The following LINGO2 variants were observed in gnomAD, a reference collection of about 807,000 sequenced individuals.
The protein encoded by LINGO2 is leucine rich repeat and Ig domain containing 2.
LINGO2 carries 14 observed loss-of-function variants against 30.6 expected under a neutral mutation model. The observed-to-expected ratio is 0.46, with a 90% CI of 0.30 to 0.72. LINGO2 has a LOEUF of 0.72. Ranked by LOEUF, LINGO2 falls within the 30% of genes least tolerant of loss-of-function variation. LINGO2 has a pLI of 0.07. For missense variants in LINGO2, 729 were observed against 751.7 expected (o/e 0.97, Z 0.35); for synonymous variants, 317 against 288.5 (o/e 1.10, Z -1.00).
At chr9:28,768,996 T>A in the LINGO2 span, among the ~76,000 whole-genome samples, 1 of 152,226 alleles carries the variant, frequency 6.6e-6, no homozygotes, top group South Asian at 2.1e-4. Context: ...TGTAAAATTT[T>A]TCATGGGTTT....
chr9:28,585,052 G>A (rs1824459909), intron 1 of LINGO2, among the ~76,000 whole-genome samples: 1 of 150,176 alleles, frequency 6.7e-6, no homozygotes, highest in African/African-American at 2.4e-5. Flanking sequence ...GTAAATCATG[G>A]AACTGTTAAA....
intron 4 of LINGO2, among the ~76,000 whole-genome samples, chr9:28,108,484 G>C (rs1397442685): frequency 6.6e-6 from 1 of 152,054 alleles, no homozygotes; most frequent in African/African-American, 2.4e-5. Context: ...TCACTCCATG[G>C]CACCTTCATC....
chr9:28,923,425 C>A, the LINGO2 span, among the ~76,000 whole-genome samples: 2 of 152,028 alleles, frequency 1.3e-5, no homozygotes, highest in East Asian at 3.9e-4. Flanking sequence ...TCTTACAGAA[C>A]AAATTTCTGT....
chr9:27,991,448 G>A (rs543858118), intron 5 of LINGO2, among the ~76,000 whole-genome samples: 1 of 152,094 alleles, frequency 6.6e-6, no homozygotes, highest in Non-Finnish European at 1.5e-5. Flanking sequence ...TCAAAACAAA[G>A]ACAGTTCAGA....
intron 1 of LINGO2, among the ~76,000 whole-genome samples, chr9:28,540,738 CAG>C (rs1821656103): frequency 6.6e-6 from 1 of 152,142 alleles, no homozygotes; most frequent in African/African-American, 2.4e-5. Context: ...CAAGTAAGTG[CAG>C]AGTTTAACGA....
intron 4 of LINGO2, among the ~76,000 whole-genome samples, chr9:28,075,014 C>G (rs1456615102): frequency 2.0e-5 from 3 of 151,316 alleles, no homozygotes; most frequent in Non-Finnish European, 4.4e-5. Context: ...GCTAATAGGA[C>G]AACCACATTC....
At chr9:27,985,432 T>A (rs1821079623) in intron 5 of LINGO2, among the ~76,000 whole-genome samples, 1 of 151,916 alleles carries the variant, frequency 6.6e-6, no homozygotes. Flanking sequence ...GACATTGCAT[T>A]TGGACTCAGG....
chr9:28,684,377 ATGGGGGTTTCACCG>A, the LINGO2 span, among the ~76,000 whole-genome samples: 3 of 150,110 alleles, frequency 2.0e-5, no homozygotes, highest in Non-Finnish European at 3.0e-5. Context: ...TTTAGTAGAG[ATGGGGGTTTCACCG>A]TGTTAGCCAG....
At chr9:28,444,369 C>A (rs1467414730) in intron 2 of LINGO2, among the ~76,000 whole-genome samples, 1 of 152,192 alleles carries the variant, frequency 6.6e-6, no homozygotes, top group Non-Finnish European at 1.5e-5. Context: ...ACTGGGTGGC[C>A]ATGCCATGCA....
intron 3 of LINGO2, among the ~76,000 whole-genome samples, chr9:28,321,450 C>A (rs1303538616): frequency 2.0e-5 from 3 of 152,174 alleles, no homozygotes; most frequent in African/African-American, 7.2e-5. Context: ...TAGTTCACCT[C>A]AATCACTAGT....
At chr9:28,785,347 C>A in the LINGO2 span, among the ~76,000 whole-genome samples, 2 of 152,160 alleles carry the variant, frequency 1.3e-5, no homozygotes, top group Admixed American at 1.3e-4. Flanking sequence ...GTTAGACAGG[C>A]TAATGGATGG....
chr9:28,848,157 C>T, the LINGO2 span, among the ~76,000 whole-genome samples: 1 of 79,270 alleles, frequency 1.3e-5, no homozygotes, highest in African/African-American at 7.7e-5. Context: ...TATATATACG[C>T]ATATATAGTG....
chr9:28,172,033 A>AAAC (rs58017472), intron 4 of LINGO2, among the ~76,000 whole-genome samples: 6 of 87,138 alleles, frequency 6.9e-5, no homozygotes, highest in Non-Finnish European at 1.3e-4. Context: ...AAAAAAAAAA[A>AAAC]CAAAAAAAAA....
the LINGO2 span, among the ~76,000 whole-genome samples, chr9:28,768,176 C>A: frequency 6.6e-6 from 1 of 152,136 alleles, no homozygotes; most frequent in Non-Finnish European, 1.5e-5. Flanking sequence ...AAAATAAATG[C>A]TTGATGTTTT....
At chr9:28,149,412 C>A (rs1827919701) in intron 4 of LINGO2, among the ~76,000 whole-genome samples, 1 of 150,122 alleles carries the variant, frequency 6.7e-6, no homozygotes, top group Non-Finnish European at 1.5e-5. Context: ...AAGTAAGGAG[C>A]ACCTCTGCCC....
chr9:29,206,979 A>G, the LINGO2 span, among the ~76,000 whole-genome samples: 10 of 152,176 alleles, frequency 6.6e-5, no homozygotes, highest in African/African-American at 2.4e-4. Flanking sequence ...TGACAGTCAC[A>G]TCCTCACCTC....
At chr9:28,098,007 A>G (rs1256158852) in intron 4 of LINGO2, among the ~76,000 whole-genome samples, 2 of 152,122 alleles carry the variant, frequency 1.3e-5, no homozygotes, top group Non-Finnish European at 2.9e-5. Flanking sequence ...AGATGTTTTT[A>G]AAAATCGATA....
chr9:29,048,267 G>C, the LINGO2 span, among the ~76,000 whole-genome samples: 19 of 151,492 alleles, frequency 1.3e-4, 1 homozygote, highest in Admixed American at 9.2e-4. Context: ...AAAAGTGAAA[G>C]ATCTCTATAA....
At chr9:28,638,429 A>G (rs62548211) in intron 1 of LINGO2, among the ~76,000 whole-genome samples, 13,710 of 152,078 alleles carry the variant, frequency 0.09, 877 homozygotes, top group Admixed American at 0.22. Flanking sequence ...GTAGAATTTC[A>G]CTGTGAATCC....
Sources: gnomAD v4.1 joint callset for allele counts (sites outside exome capture counted in the v4.1 genomes callset) on GRCh38, gnomAD v4.1.1 for gene constraint, MANE v1.5 for transcripts, NCBI Gene and HGNC (gene_info 2026-07-23, HGNC 2026-07-21) for gene names.